Variants in DRC7 observed in about 807,000 individuals in gnomAD.
The protein encoded by DRC7 is dynein regulatory complex subunit 7.
A neutral mutation model predicts 104.4 loss-of-function variants in DRC7; 80 were observed. That is an observed-to-expected ratio of 0.77 (90% confidence interval 0.64 to 0.92). DRC7 has a LOEUF of 0.92. DRC7 is among the 40% of genes least tolerant of loss of function. The probability of loss-of-function intolerance (pLI) is 0.00; values close to 1 mark genes in which losing one functional copy is unlikely to be tolerated. For missense variants in DRC7, 1,034 were observed against 1,141.1 expected (o/e 0.91, Z 1.35); for synonymous variants, 405 against 447.3 (o/e 0.91, Z 1.19).
At chr16:57,726,711 G>C in intron 14 of DRC7, 121 bp from the exon 15 acceptor site, 1 of 625,948 alleles carries the variant, frequency 1.6e-6, no homozygotes, top group African/African-American at 1.8e-5. Context: ...GGCTCAGAGA[G>C]GTTTAGCAAC....
At chr16:57,727,457 T>G (rs1441601306) in intron 16 of DRC7, 48 bp downstream of exon 16, 1 of 1,414,396 alleles carries the variant, frequency 7.1e-7, no homozygotes, top group South Asian at 1.2e-5. Flanking sequence ...TAGACCCCCC[T>G]GGTCTCCAGG....
intron 8 of DRC7, among the ~76,000 whole-genome samples, chr16:57,709,244 A>G (rs1364983434): frequency 6.6e-6 from 1 of 152,104 alleles, no homozygotes; most frequent in Admixed American, 6.5e-5. Flanking sequence ...TTTTCTGCAT[A>G]TACAATCAGT....
Position 57,731,398 on chromosome 16 carries a change from C to T in DRC7, c.*140C>T. On this transcript the variant is annotated 3_prime_UTR_variant, in exon 19 of 19. Transcript: ENST00000360716. ...ACTGCCAGCCCACCTCCCCTACAGC[C>T]CTGTTTGTTCCTGCTTCTCATGATT... is the stretch of plus-strand genomic sequence containing the variant. 1 of 625,582 alleles carries T rather than the reference C, an allele frequency of 1.6e-6. No homozygotes were observed. Among genetic ancestry groups the T allele is most frequent in the Admixed American group, 2.9e-5 (1 of 34,348 alleles). 38.8% of individuals were successfully genotyped at this position (625,582 alleles called of 1,614,324 possible).
In DRC7 at chr16:57,718,347, G is replaced by T. The variant is rs1293684353; in HGVS notation, c.1078G>T (p.Asp360Tyr). The T allele has an allele frequency of 6.2e-7, 1 of 1,613,914 alleles. No individual in the cohort carries two copies. Among genetic ancestry groups the T allele is most frequent in the Admixed American group, 1.7e-5 (1 of 60,006 alleles). The change falls in exon 9 of 19, where the codon GAC becomes TAC. Residue 360 changes from aspartate to tyrosine, a missense_variant and splice_region_variant. Coordinates refer to ENST00000360716, the MANE Select transcript of DRC7 (RefSeq NM_001289162.2). ...AGTTGACTGCCCTCATCCCCAACAG[G>T]ACTTGATCTTTGACCTGGGTGACCC... is the stretch of plus-strand genomic sequence containing the variant. ...NMQDCWNCCK[D>Y]LIFDLGDPVR...
chr16:57,718,206 G>A lies in DRC7; in HGVS notation c.1078-141G>A, dbSNP rs1453216394. ...TGGGCATGGACTCTCAGAGCCACCT[G>A]GGACTGACGTTCTGCTTCCCCAAGC... On this transcript the variant is annotated intron_variant, in intron 8 of 18. Transcript: ENST00000360716. The A allele has an allele frequency of 2.8e-6, 3 of 1,056,810 alleles. No homozygotes were observed. The East Asian group carries it at 7.5e-5, about 26-fold the overall frequency. 65.5% of individuals were successfully genotyped at this position (1,056,810 alleles called of 1,614,324 possible).
In DRC7 at chr16:57,706,642, T is replaced by TCACC. The variant is rs1567875962; in HGVS notation, c.859-817_859-816insACCC. Among the ~76,000 whole-genome samples the TCACC allele has an allele frequency of 3.6e-4, 23 of 64,282 alleles. 2 individuals are homozygous for TCACC. Among genetic ancestry groups the TCACC allele is most frequent in the South Asian group, 6.9e-4 (1 of 1,458 alleles). The allele number at this position is 64,282 out of a possible 152,430, so 42.2% of individuals were successfully genotyped here. ...CCCATCCGTCCATCCTCCCATCCAT[T>TCACC]CTCCCATCCATCCTCTCACCATCCT... On this transcript the variant is annotated intron_variant, in intron 7 of 18. Transcript: ENST00000360716.
intron 12 of DRC7, among the ~76,000 whole-genome samples, chr16:57,723,484 G>C (rs1054456244): frequency 2.6e-5 from 4 of 152,182 alleles, no homozygotes; most frequent in African/African-American, 9.6e-5. Context: ...TGTAATCCAA[G>C]CGCTTTGGGA....
intron 17 of DRC7, 133 bp downstream of exon 17, chr16:57,728,717 G>C: frequency 8.3e-6 from 5 of 602,210 alleles, no homozygotes; most frequent in Non-Finnish European, 1.3e-5. Context: ...CAATGCTTGG[G>C]GTTTCCAAAT....
chr16:57,721,726 G>C lies in DRC7; in HGVS notation c.1266G>C (p.Glu422Asp). The change falls in exon 10 of 19, where the codon GAG (glutamate) becomes GAC (aspartate). Residue 422 changes from glutamate to aspartate, a missense_variant. Glu to Asp is a conservative substitution (Grantham distance 45). Coordinates refer to ENST00000360716, the MANE Select transcript of DRC7 (RefSeq NM_001289162.2). ...DMPHSWVEQI[E>D]ISPEAFETRC... ...CCCACTCGTGGGTGGAGCAGATTGAGATCTCCCCGGAAGGTATTTTCTATT... is the reference window on the plus strand; with the variant it reads ...CCCACTCGTGGGTGGAGCAGATTGACATCTCCCCGGAAGGTATTTTCTATT... 1 of 1,613,516 alleles carries C rather than the reference G, an allele frequency of 6.2e-7. No homozygotes were observed. Among genetic ancestry groups the C allele is most frequent in the South Asian group, 1.1e-5 (1 of 91,072 alleles).
At chr16:57,727,911 C>T (rs1413733140) in intron 16 of DRC7, among the ~76,000 whole-genome samples, 1 of 152,210 alleles carries the variant, frequency 6.6e-6, no homozygotes. Flanking sequence ...GATGACTGTT[C>T]TCAGATCCCA....
rs761219079 is a variant in DRC7, at chr16:57,722,703, G to C, written c.1280-10G>C. On this transcript the variant is annotated splice_polypyrimidine_tract_variant and intron_variant, in intron 10 of 18. Coordinates refer to ENST00000360716, the MANE Select transcript of DRC7 (RefSeq NM_001289162.2). ...TAGCAAGAAGAGACCACAGCTGACT[G>C]TGTCCACAGCATTTGAGACCCGCTG... 2 of 1,613,424 alleles carry C rather than the reference G, an allele frequency of 1.2e-6. No homozygotes were observed. Among genetic ancestry groups the C allele is most frequent in the African/African-American group, 1.3e-5 (1 of 75,030 alleles).
At chr16:57,726,505 C>G in intron 14 of DRC7, 1 of 580,142 alleles carries the variant, frequency 1.7e-6, no homozygotes. Flanking sequence ...ACTCAGCAGG[C>G]TAAGACGACT....
At chr16:57,697,070 G>A (rs936768132) in intron 2 of DRC7, among the ~76,000 whole-genome samples, 11 of 151,936 alleles carry the variant, frequency 7.2e-5, no homozygotes, top group Admixed American at 2.0e-4. Flanking sequence ...GTGCCACCAC[G>A]CCTGGCTAAT....
At chr16:57,710,691 T>C (rs58053932) in intron 8 of DRC7, among the ~76,000 whole-genome samples, 9,221 of 152,312 alleles carry the variant, frequency 0.061, 579 homozygotes, top group East Asian at 0.23. Context: ...TGAGAGTTTT[T>C]TCAGAAATAG....
At position 57,707,482 on chromosome 16, in the gene DRC7, A is replaced by T. The variant is rs2048744221; in HGVS notation, c.881A>T (p.Asp294Val). The T allele has an allele frequency of 1.2e-6, 2 of 1,613,166 alleles. No individual in the cohort carries two copies. The highest frequency in any genetic ancestry group is 2.7e-5 in the African/African-American group (2 of 75,046). The change falls in exon 8 of 19, where the codon GAT (aspartate) becomes GTT (valine). Residue 294 changes from aspartate (D) to valine (V), a missense_variant. Asp to Val is a radical substitution (Grantham distance 152). Transcript: ENST00000360716. ...CAGGAAGCGGAGAAGGCAAAGCCGG[A>T]TGCCCTGCACGGCCTGCGGGTGCAC... ...RLMEAEKAKP[D>V]ALHGLRVHSW...
intron 9 of DRC7, among the ~76,000 whole-genome samples, chr16:57,720,665 C>T (rs2048893155): frequency 6.6e-6 from 1 of 152,224 alleles, no homozygotes; most frequent in South Asian, 2.1e-4. Context: ...GGGTGACAGC[C>T]CACCCACCTG....
At chr16:57,695,553 C>A (rs2048584911) in intron 1 of DRC7, among the ~76,000 whole-genome samples, 1 of 152,206 alleles carries the variant, frequency 6.6e-6, no homozygotes, top group African/African-American at 2.4e-5. Flanking sequence ...CCTTCCTGGG[C>A]TCATTGTCTC....
chr16:57,698,961 C>G lies in DRC7; in HGVS notation c.315C>G (p.Tyr105Ter). Reference sequence around the variant, plus strand: ...TGGCAGACAACTTCTCCCGCCAGTACAGCCATCTGTGCCCGGACCGCGTGC... The same window carrying G: ...TGGCAGACAACTTCTCCCGCCAGTAGAGCCATCTGTGCCCGGACCGCGTGC... ...LQVADNFSRQ[Y>*]SHLCPDRVPL... Residue 105 changes from tyrosine to a stop codon, truncating the protein, a stop_gained, in exon 4 of 19, where the codon TAC becomes TAG. Transcript: ENST00000360716. LOFTEE classifies it high-confidence loss of function. 1.2e-6 allele frequency: 2 copies of G among 1,614,242 alleles called. No homozygotes were observed. The highest frequency in any genetic ancestry group is 1.7e-6 in the Non-Finnish European group (2 of 1,180,042).
chr16:57,700,656 C>CAAAAAAAAAAAAAAA, intron 5 of DRC7, among the ~76,000 whole-genome samples: 1 of 88,616 alleles, frequency 1.1e-5, no homozygotes, highest in Admixed American at 1.3e-4. Context: ...AAAACTCTCT[C>CAAAAAAAAAAAAAAA]AAAAAAAAAA....
Sources: gnomAD v4.1 joint callset for allele counts (sites outside exome capture counted in the v4.1 genomes callset) on GRCh38, gnomAD v4.1.1 for gene constraint, MANE v1.5 for transcripts, NCBI Gene and HGNC (gene_info 2026-07-23, HGNC 2026-07-21) for gene names.